Variants in ZBTB20 observed in about 807,000 individuals in gnomAD.
The protein encoded by ZBTB20 is zinc finger and BTB domain-containing protein 20.
A neutral mutation model predicts 56.9 loss-of-function variants in ZBTB20; 9 were observed. That is an observed-to-expected ratio of 0.16 (90% CI 0.10 to 0.28). The LOEUF (loss-of-function observed/expected upper bound fraction) is 0.28. ZBTB20 is among the 10% of genes least tolerant of loss of function. The pLI is 1.00. For synonymous variants in ZBTB20, 417 were observed against 420.7 expected, an observed-to-expected ratio of 0.99 and a Z score of 0.11; for missense variants, 655 against 1,003.0, an observed-to-expected ratio of 0.65 and a Z score of 4.69.
chr3:114,347,124 C>T (rs916091764), intron 11 of ZBTB20, among the ~76,000 whole-genome samples: 2 of 117,322 alleles, frequency 1.7e-5, no homozygotes, highest in African/African-American at 6.7e-5. Flanking sequence ...AGATAGGTAC[C>T]CAGGTTGGCC....
chr3:114,882,051 A>G (rs536099685), intron 4 of ZBTB20, among the ~76,000 whole-genome samples: 2 of 151,920 alleles, frequency 1.3e-5, no homozygotes, highest in African/African-American at 4.8e-5. Flanking sequence ...TATGTCTAAC[A>G]CATACTACAG....
intron 11 of ZBTB20, among the ~76,000 whole-genome samples, chr3:114,346,202 A>G (rs1412117777): frequency 1.3e-5 from 2 of 152,260 alleles, no homozygotes; most frequent in Non-Finnish European, 2.9e-5. Flanking sequence ...TCTAAGGAGT[A>G]TAAAGGAGTT....
chr3:115,143,991 A>G (rs187602291), intron 1 of ZBTB20, among the ~76,000 whole-genome samples: 15 of 152,346 alleles, frequency 9.8e-5, no homozygotes, highest in African/African-American at 3.4e-4. Context: ...TGTGTGTGAC[A>G]TTAGAATGTA....
At chr3:114,498,462 T>C (rs1403339609) in intron 7 of ZBTB20, among the ~76,000 whole-genome samples, 1 of 152,168 alleles carries the variant, frequency 6.6e-6, no homozygotes, top group East Asian at 1.9e-4. Flanking sequence ...TGGACATTTC[T>C]TTTCCTTTTG....
intron 6 of ZBTB20, among the ~76,000 whole-genome samples, chr3:114,519,303 T>C (rs2109906685): frequency 6.6e-6 from 1 of 152,308 alleles, no homozygotes; most frequent in Middle Eastern, 3.4e-3. Context: ...TTTAGTAAAA[T>C]TCTCTTGTTT....
intron 5 of ZBTB20, among the ~76,000 whole-genome samples, chr3:114,728,725 G>A (rs746120992): frequency 5.3e-5 from 8 of 152,306 alleles, no homozygotes; most frequent in East Asian, 1.9e-4. Context: ...TTGAGAAGAC[G>A]TGCATCTTTT....
At chr3:114,839,456 A>AG (rs1491350231) in intron 4 of ZBTB20, among the ~76,000 whole-genome samples, 17 of 151,570 alleles carry the variant, frequency 1.1e-4, no homozygotes, top group African/African-American at 3.9e-4. Context: ...AGAAAGAAAG[A>AG]AAGAAAGAAA....
At chr3:114,739,826 C>G (rs1357349994) in intron 5 of ZBTB20, among the ~76,000 whole-genome samples, 1 of 152,196 alleles carries the variant, frequency 6.6e-6, no homozygotes, top group African/African-American at 2.4e-5. Context: ...CACCACTGTG[C>G]TTATCAGCTT....
At chr3:115,070,890 T>G (rs1435901724) in intron 2 of ZBTB20, among the ~76,000 whole-genome samples, 2 of 151,914 alleles carry the variant, frequency 1.3e-5, no homozygotes, top group East Asian at 3.9e-4. Context: ...CCATCACCTC[T>G]TGGTGGGGAA....
chr3:114,577,566 T>C (rs1435161091), intron 6 of ZBTB20, among the ~76,000 whole-genome samples: 1 of 152,174 alleles, frequency 6.6e-6, no homozygotes, highest in Non-Finnish European at 1.5e-5. Context: ...GCTGAAGCCA[T>C]AGGCCTGCTG....
chr3:114,984,652 T>C (rs1324798068), intron 2 of ZBTB20, among the ~76,000 whole-genome samples: 1 of 152,106 alleles, frequency 6.6e-6, no homozygotes, highest in Non-Finnish European at 1.5e-5. Flanking sequence ...AATGGCCTTC[T>C]CTTTCATTGA....
At chr3:114,832,069 G>GA (rs1333656483) in intron 4 of ZBTB20, among the ~76,000 whole-genome samples, 1 of 152,038 alleles carries the variant, frequency 6.6e-6, no homozygotes, top group Non-Finnish European at 1.5e-5. Flanking sequence ...AGACAGGTCT[G>GA]AAAAAACAAA....
At chr3:114,524,357 T>C in intron 6 of ZBTB20, among the ~76,000 whole-genome samples, 1 of 151,752 alleles carries the variant, frequency 6.6e-6, no homozygotes, top group South Asian at 2.1e-4. Context: ...TATGGCAGAG[T>C]GGAGAATCAA....
chr3:114,917,585 G>A (rs2075793703), intron 3 of ZBTB20, among the ~76,000 whole-genome samples: 1 of 152,136 alleles, frequency 6.6e-6, no homozygotes. Context: ...TACATTGGGG[G>A]CACTCCAGGG....
chr3:115,014,354 C>A (rs2079854133), intron 2 of ZBTB20, among the ~76,000 whole-genome samples: 1 of 151,352 alleles, frequency 6.6e-6, no homozygotes, highest in African/African-American at 2.4e-5. Flanking sequence ...TTTGCTAGCA[C>A]AATGGAATGG....
intron 7 of ZBTB20, among the ~76,000 whole-genome samples, chr3:114,427,272 C>T (rs757412263): frequency 1.3e-5 from 2 of 152,108 alleles, no homozygotes; most frequent in African/African-American, 2.4e-5. Context: ...GATTTTAAAA[C>T]GTTAAATTTA....
At chr3:114,891,761 A>T (rs1243006481) in intron 4 of ZBTB20, among the ~76,000 whole-genome samples, 3 of 152,160 alleles carry the variant, frequency 2.0e-5, no homozygotes, top group Non-Finnish European at 4.4e-5. Context: ...TTTTTTAAAA[A>T]TCCAGCCAGG....
At chr3:114,607,518 GT>G (rs2057262534) in intron 6 of ZBTB20, among the ~76,000 whole-genome samples, 1 of 151,976 alleles carries the variant, frequency 6.6e-6, no homozygotes, top group Non-Finnish European at 1.5e-5. Flanking sequence ...TGTCAGGCTG[GT>G]CTCGAACTCC....
intron 7 of ZBTB20, among the ~76,000 whole-genome samples, chr3:114,473,439 G>C (rs2109285100): frequency 6.6e-6 from 1 of 152,268 alleles, no homozygotes; most frequent in African/African-American, 2.4e-5. Context: ...TCTAAATATT[G>C]ATAAAGCTTT....
Sources: gnomAD v4.1 joint callset for allele counts (sites outside exome capture counted in the v4.1 genomes callset) on GRCh38, gnomAD v4.1.1 for gene constraint, MANE v1.5 for transcripts, NCBI Gene and HGNC (gene_info 2026-07-23, HGNC 2026-07-21) for gene names.